The following ZNF618 variants were observed in gnomAD, a reference collection of about 807,000 sequenced individuals.
ZNF618 encodes zinc finger protein 618, also known as neural precursor cell expressed, developmentally down-regulated 10.
A neutral mutation model predicts 103.0 loss-of-function variants in ZNF618; 34 were observed. The ratio of observed to expected loss-of-function variants is 0.33; its 90% CI spans 0.25 to 0.44. The LOEUF (loss-of-function observed/expected upper bound fraction) is 0.44, where lower values mean the gene tolerates loss of function less well. ZNF618 is among the 20% of genes least tolerant of loss of function. ZNF618 has a pLI of 1.00. For synonymous variants in ZNF618, 551 were observed against 542.2 expected, an observed-to-expected ratio of 1.02 and a Z score of -0.23; for missense variants, 1,059 against 1,295.4, an observed-to-expected ratio of 0.82 and a Z score of 2.80.
At chr9:114,024,613 C>T (rs1179441417) in intron 10 of ZNF618, among the ~76,000 whole-genome samples, 3 of 152,184 alleles carry the variant, frequency 2.0e-5, no homozygotes, top group Non-Finnish European at 2.9e-5. Context: ...CCTTTCTGGC[C>T]GTTTCTTAGC....
chr9:113,963,529 A>C (rs76192700), intron 1 of ZNF618, among the ~76,000 whole-genome samples: 4,286 of 152,286 alleles, frequency 0.028, 200 homozygotes, highest in African/African-American at 0.099. Flanking sequence ...AATACTGACC[A>C]CTGGGCATTC....
At chr9:113,933,598 A>G (rs1833792345) in intron 1 of ZNF618, among the ~76,000 whole-genome samples, 1 of 152,150 alleles carries the variant, frequency 6.6e-6, no homozygotes, top group Non-Finnish European at 1.5e-5. Flanking sequence ...ATGCCCATCT[A>G]GGATCATGAA....
intron 1 of ZNF618, among the ~76,000 whole-genome samples, chr9:113,957,401 C>T (rs1176550131): frequency 1.3e-5 from 2 of 152,160 alleles, no homozygotes; most frequent in African/African-American, 4.8e-5. Flanking sequence ...TGAACTCAGG[C>T]CTGACTGACT....
rs150439232 is a variant in ZNF618 at position 113,941,272 on chromosome 9, T to C, written c.34-27845T>C. ...TCATTCTCCTTCCATAGTTTGTTTT[T>C]AGTAAATATGACATGGAATTTTATT... On this transcript the variant is annotated intron_variant, in intron 1 of 14. Transcript: ENST00000374126. Among the ~76,000 whole-genome samples, 784 of 152,322 alleles carry C rather than the reference T, an allele frequency of 5.1e-3. 7 individuals are homozygous for C. Among genetic ancestry groups the C allele is most frequent in the African/African-American group, 0.017 (718 of 41,570 alleles).
At chr9:113,976,614 G>T (rs1838494311) in intron 2 of ZNF618, among the ~76,000 whole-genome samples, 1 of 152,148 alleles carries the variant, frequency 6.6e-6, no homozygotes, top group African/African-American at 2.4e-5. Context: ...TGGCTGTCCT[G>T]CAGTGGACTT....
intron 2 of ZNF618, among the ~76,000 whole-genome samples, chr9:113,969,379 C>T (rs1281544628): frequency 1.3e-5 from 2 of 152,210 alleles, no homozygotes; most frequent in Non-Finnish European, 2.9e-5. Context: ...ATGGTTCATT[C>T]CTGAACTGGC....
At position 114,038,682 on chromosome 9, in the gene ZNF618, GTAA is replaced by G. The variant is rs200985380; in HGVS notation, c.1246+2311_1246+2313del. 8.1e-3 allele frequency among the ~76,000 whole-genome samples: 1,229 copies of G among 152,338 alleles called. 26 individuals are homozygous for G. The highest frequency in any genetic ancestry group is 0.027 in the African/African-American group (1,119 of 41,560). ...GACGTTGGAGAAGCATGCTTTGGCA[GTAA>G]TAATACCAAAGATAGCTACAATTTT... On this transcript the variant is annotated intron_variant, in intron 13 of 14. Transcript: ENST00000374126.
chr9:114,040,278 A>C (rs997993983), intron 13 of ZNF618, among the ~76,000 whole-genome samples: 4 of 150,714 alleles, frequency 2.7e-5, no homozygotes, highest in African/African-American at 7.3e-5. Flanking sequence ...GTTCATATCC[A>C]GGGTTTTCAC....
In ZNF618 at chr9:114,055,738, A is replaced by C. The variant is rs1297088775; in HGVS notation, c.*5571A>C. On this transcript the variant is annotated 3_prime_UTR_variant, in exon 15 of 15. Coordinates refer to ENST00000374126, the MANE Select transcript of ZNF618 (RefSeq NM_001318042.2). ...AAAAAAAAATACAAAAAAAATTTAC[A>C]AAAAAACAAACACAAAAAAAATATC... is the stretch of plus-strand genomic sequence containing the variant. The C allele has an allele frequency of 6.6e-6, 1 of 152,368 alleles. No individual in the cohort carries two copies. The highest frequency in any genetic ancestry group is 1.5e-5 in the Non-Finnish European group (1 of 68,024). The allele number at this position is 152,368 out of a possible 1,614,324, so 9.4% of individuals were successfully genotyped here. A position where few individuals can be genotyped will look rare whatever the true frequency, so the allele number is the denominator to read the frequency against.
At chr9:114,012,398 G>A in intron 9 of ZNF618, among the ~76,000 whole-genome samples, 1 of 152,122 alleles carries the variant, frequency 6.6e-6, no homozygotes, top group Non-Finnish European at 1.5e-5. Flanking sequence ...TTCTAATAAG[G>A]GCACTAATCC....
chr9:114,017,652 G>A (rs1440409590), intron 10 of ZNF618, among the ~76,000 whole-genome samples: 2 of 152,140 alleles, frequency 1.3e-5, no homozygotes, highest in Admixed American at 6.5e-5. Context: ...AAGTGTTGCT[G>A]GTTTTGTTTC....
intron 1 of ZNF618, among the ~76,000 whole-genome samples, chr9:113,953,111 A>G (rs976071740): frequency 6.6e-6 from 1 of 152,236 alleles, no homozygotes; most frequent in Non-Finnish European, 1.5e-5. Context: ...CGGCTTAAAG[A>G]TGACTTTCCC....
intron 2 of ZNF618, among the ~76,000 whole-genome samples, chr9:113,973,284 C>T (rs985792323): frequency 2.6e-5 from 4 of 152,118 alleles, no homozygotes; most frequent in African/African-American, 4.8e-5. Context: ...CCTTGAAGGA[C>T]CCCCAGCCCT....
intron 9 of ZNF618, 109 bp downstream of exon 9, chr9:114,008,663 T>C: frequency 7.7e-7 from 1 of 1,304,188 alleles, no homozygotes; most frequent in Non-Finnish European, 1.1e-6. Flanking sequence ...ATCACTTAAC[T>C]GCAGCAATGG....
At chr9:113,889,433 A>G (rs551601334) in intron 1 of ZNF618, among the ~76,000 whole-genome samples, 7 of 152,100 alleles carry the variant, frequency 4.6e-5, no homozygotes, top group South Asian at 4.2e-4. Flanking sequence ...TTGAGGCTGC[A>G]AAGATGCATG....
Position 114,048,682 on chromosome 9 carries a change from G to T in ZNF618, c.1380G>T (p.Met460Ile). Residue 460 changes from methionine to isoleucine, a missense_variant, in exon 15 of 15, where the codon ATG becomes ATT. Met to Ile is a conservative substitution (Grantham distance 10). Coordinates refer to ENST00000374126, the MANE Select transcript of ZNF618 (RefSeq NM_001318042.2). ...CCAGTGGTTTAACACCCAACAGCAT[G>T]ATCCCCGAAAAGGAGCGGCAGAACA... ...TTTSGLTPNS[M>I]IPEKERQNIA... is the part of the protein sequence containing the mutation. 2 of 1,613,626 alleles carry T rather than the reference G, an allele frequency of 1.2e-6. No individual in the cohort carries two copies. Among genetic ancestry groups the T allele is most frequent in the Non-Finnish European group, 1.7e-6 (2 of 1,179,638 alleles).
chr9:113,968,433 G>A (rs914649402), intron 1 of ZNF618, among the ~76,000 whole-genome samples: 2 of 152,160 alleles, frequency 1.3e-5, no homozygotes, highest in African/African-American at 4.8e-5. Context: ...GAAGATCTAG[G>A]TATTGTTCCC....
chr9:113,983,390 G>A (rs375390098), intron 2 of ZNF618, among the ~76,000 whole-genome samples: 38 of 152,264 alleles, frequency 2.5e-4, no homozygotes, highest in East Asian at 1.2e-3. Context: ...CCTAGAAGTC[G>A]GGGGCGAGGG....
At chr9:113,934,998 C>T (rs1564188821) in intron 1 of ZNF618, among the ~76,000 whole-genome samples, 1 of 152,206 alleles carries the variant, frequency 6.6e-6, no homozygotes, top group Non-Finnish European at 1.5e-5. Context: ...CCCTCACAAG[C>T]CTGGCTGTCC....
Sources: allele counts gnomAD v4.1 joint callset (sites outside exome capture counted in the v4.1 genomes callset), GRCh38; gene constraint gnomAD v4.1.1; transcripts MANE v1.5; gene names NCBI Gene and HGNC (gene_info 2026-07-23, HGNC 2026-07-21).